The following COL14A1 variants were observed in gnomAD, a reference collection of about 807,000 sequenced individuals.
The protein encoded by COL14A1 is collagen alpha-1(XIV) chain.
COL14A1 carries 136 observed loss-of-function variants against 230.3 expected under a neutral mutation model. That is an observed-to-expected ratio of 0.59 (90% CI 0.51 to 0.68). The LOEUF (loss-of-function observed/expected upper bound fraction) is 0.68. COL14A1 is among the 30% of genes least tolerant of loss of function. The pLI, the probability that COL14A1 is intolerant of heterozygous loss-of-function variation, is 0.00. For missense variants in COL14A1, 1,976 were observed against 2,215.8 expected, an observed-to-expected ratio of 0.89 and a Z score of 2.17; for synonymous variants, 792 against 784.1, an observed-to-expected ratio of 1.01 and a Z score of -0.17.
At chr8:120,198,002 C>T in intron 7 of COL14A1, 72 bp downstream of exon 7, 1 of 1,454,238 alleles carries the variant, frequency 6.9e-7, no homozygotes, top group Non-Finnish European at 9.5e-7. Flanking sequence ...CATTTTGCCA[C>T]TTTGTAAGCG....
chr8:120,262,629 GT>G (rs1371662452), intron 23 of COL14A1, among the ~76,000 whole-genome samples: 1 of 152,106 alleles, frequency 6.6e-6, no homozygotes, highest in African/African-American at 2.4e-5. Flanking sequence ...GATTTCAGAA[GT>G]CTTTTAATAG....
chr8:120,312,033 G>C (rs1398003376), intron 37 of COL14A1, among the ~76,000 whole-genome samples: 3 of 152,032 alleles, frequency 2.0e-5, no homozygotes, highest in African/African-American at 7.2e-5. Context: ...GGAGGCAGAG[G>C]CTGCCGTGAG....
intron 12 of COL14A1, among the ~76,000 whole-genome samples, chr8:120,210,203 A>G (rs554409041): frequency 6.6e-6 from 1 of 152,168 alleles, no homozygotes; most frequent in Non-Finnish European, 1.5e-5. Context: ...GTATACACCC[A>G]TAGTATTCTA....
At chr8:120,315,067 G>C (rs1821169291) in intron 38 of COL14A1, among the ~76,000 whole-genome samples, 1 of 152,176 alleles carries the variant, frequency 6.6e-6, no homozygotes, top group Non-Finnish European at 1.5e-5. Context: ...AACATATGTG[G>C]AAAGTGAAAT....
Position 120,212,586 on chromosome 8 carries a change from C to G in COL14A1, c.1597+9C>G. 1 of 1,612,910 alleles carries G rather than the reference C, an allele frequency of 6.2e-7. No individual in the cohort carries two copies. Among genetic ancestry groups the G allele is most frequent in the Non-Finnish European group, 8.5e-7 (1 of 1,179,170 alleles). ...GGGACAAGAAACAACATGTGAGCAG[C>G]ACAGCCATTCAGTTGGGATGCTGTA... On this transcript the variant is annotated intron_variant, in intron 13 of 47. Transcript: ENST00000297848.
intron 5 of COL14A1, among the ~76,000 whole-genome samples, chr8:120,193,584 A>C (rs1315638245): frequency 2.6e-5 from 4 of 152,206 alleles, no homozygotes; most frequent in Non-Finnish European, 2.9e-5. Context: ...CAAAGCTGTC[A>C]GACAGGGACA....
At chr8:120,160,125 C>G (rs980079600) in intron 3 of COL14A1, among the ~76,000 whole-genome samples, 1 of 152,006 alleles carries the variant, frequency 6.6e-6, no homozygotes, top group South Asian at 2.1e-4. Flanking sequence ...ATTTGCAAAC[C>G]TTGTTCAGAG....
chr8:120,226,832 T>A (rs879030057), intron 16 of COL14A1, 66 bp downstream of exon 16: 1 of 1,482,154 alleles, frequency 6.7e-7, no homozygotes, highest in African/African-American at 1.4e-5. Context: ...GCTGCTGGAG[T>A]TGGTCTTCAC....
intron 34 of COL14A1, among the ~76,000 whole-genome samples, chr8:120,292,423 T>G (rs1363394314): frequency 6.6e-6 from 1 of 152,106 alleles, no homozygotes; most frequent in Non-Finnish European, 1.5e-5. Context: ...AATCTAGAAG[T>G]CTACAAAGGA....
intron 19 of COL14A1, among the ~76,000 whole-genome samples, chr8:120,233,654 T>A (rs1818350179): frequency 6.6e-6 from 1 of 152,162 alleles, no homozygotes; most frequent in Non-Finnish European, 1.5e-5. Flanking sequence ...TTCTGAGGTC[T>A]CTGTTCTGTT....
At chr8:120,235,921 G>A (rs1385008558) in intron 19 of COL14A1, among the ~76,000 whole-genome samples, 1 of 152,170 alleles carries the variant, frequency 6.6e-6, no homozygotes, top group East Asian at 1.9e-4. Context: ...ATGTAGTTGT[G>A]CAGTTTTGAG....
At position 120,204,789 on chromosome 8, in the gene COL14A1, C is replaced by T. The variant is rs147413170; in HGVS notation, c.1039+919C>T. Among the ~76,000 whole-genome samples the T allele has an allele frequency of 3.9e-5, 6 of 152,296 alleles. No homozygotes were observed. In the East Asian group the frequency reaches 7.7e-4, roughly 20 times the overall value. On this transcript the variant is annotated intron_variant, in intron 9 of 47. Coordinates refer to ENST00000297848, the MANE Select transcript of COL14A1 (RefSeq NM_021110.4). Reference sequence around the variant, plus strand: ...TACTGGACGGTGGTGAAAGTCCTGACTCACTGCTAGGTCTCCTCTGACACT... The same window carrying T: ...TACTGGACGGTGGTGAAAGTCCTGATTCACTGCTAGGTCTCCTCTGACACT...
chr8:120,298,579 T>C (rs1405374367), intron 35 of COL14A1, among the ~76,000 whole-genome samples: 1 of 134,024 alleles, frequency 7.5e-6, no homozygotes, highest in Non-Finnish European at 1.6e-5. Flanking sequence ...TGATGGGATG[T>C]GTGTATACCC....
chr8:120,203,773 G>A lies in COL14A1; in HGVS notation c.942G>A (p.Val314=). 2 of 1,613,932 alleles carry A rather than the reference G, an allele frequency of 1.2e-6. No homozygotes were observed. The highest frequency in any genetic ancestry group is 8.5e-7 in the Non-Finnish European group (1 of 1,179,920). ...CCTCTGAACCAGACAGCACTCATGT[G>A]TACAATGTTGCCGAATTCGATCTGA... The part of the protein sequence containing the change: ...EIASEPDSTH[V]YNVAEFDLMH... Residue 314 remains valine, a synonymous_variant, in exon 9 of 48, where the codon GTG becomes GTA. Transcript: ENST00000297848.
At chr8:120,187,754 C>T (rs1338214401) in intron 5 of COL14A1, among the ~76,000 whole-genome samples, 1 of 152,212 alleles carries the variant, frequency 6.6e-6, no homozygotes, top group Non-Finnish European at 1.5e-5. Flanking sequence ...GCAAACAGCA[C>T]AGATTAGCTG....
intron 4 of COL14A1, among the ~76,000 whole-genome samples, chr8:120,167,063 T>C (rs1239275729): frequency 1.3e-5 from 2 of 152,064 alleles, no homozygotes; most frequent in Non-Finnish European, 2.9e-5. Flanking sequence ...TTAAAATCTT[T>C]TAAAATTTTG....
intron 5 of COL14A1, among the ~76,000 whole-genome samples, chr8:120,185,970 C>T (rs1246902082): frequency 6.6e-6 from 1 of 152,060 alleles, no homozygotes; most frequent in Non-Finnish European, 1.5e-5. Context: ...AATGGGGTTT[C>T]ACCATTTGGC....
At chr8:120,325,229 T>C (rs1821618151) in intron 40 of COL14A1, among the ~76,000 whole-genome samples, 1 of 152,148 alleles carries the variant, frequency 6.6e-6, no homozygotes, top group African/African-American at 2.4e-5. Context: ...AAAAATCCTT[T>C]CAAGTTTTTA....
chr8:120,142,077 T>G (rs2130436423), intron 1 of COL14A1, among the ~76,000 whole-genome samples: 1 of 152,254 alleles, frequency 6.6e-6, no homozygotes, highest in East Asian at 1.9e-4. Flanking sequence ...GGAAATTTTT[T>G]TTTTCTCCAA....
Sources: gnomAD v4.1 joint callset for allele counts (sites outside exome capture counted in the v4.1 genomes callset) on GRCh38, gnomAD v4.1.1 for gene constraint, MANE v1.5 for transcripts, NCBI Gene and HGNC (gene_info 2026-07-23, HGNC 2026-07-21) for gene names.